KAT7: variants seen among roughly 807,000 people sequenced by gnomAD.
KAT7 encodes lysine acetyltransferase 7, also known as histone acetyltransferase KAT7.
KAT7 carries 10 observed loss-of-function variants against 82.1 expected under a neutral mutation model. That is an observed-to-expected ratio of 0.12 (90% CI 0.08 to 0.21). KAT7 has a LOEUF of 0.21. Among genes scored for constraint, KAT7 ranks in the 10% least tolerant of loss-of-function variants. The probability of loss-of-function intolerance (pLI) is 1.00; values close to 1 mark genes in which losing one functional copy is unlikely to be tolerated. For missense variants in KAT7, 378 were observed against 760.9 expected (o/e 0.50, Z 5.92); for synonymous variants, 250 against 262.5 (o/e 0.95, Z 0.46).
At chr17:49,799,754 C>T (rs1290100220) in intron 4 of KAT7, among the ~76,000 whole-genome samples, 1 of 151,998 alleles carries the variant, frequency 6.6e-6, no homozygotes, top group Non-Finnish European at 1.5e-5. Flanking sequence ...GCCTTAACTC[C>T]TAGGCTTAAG....
chr17:49,806,877 C>A (rs999793111), intron 5 of KAT7, among the ~76,000 whole-genome samples: 1 of 152,226 alleles, frequency 6.6e-6, no homozygotes, highest in African/African-American at 2.4e-5. Flanking sequence ...TCCATCTTTA[C>A]TACTGGAACA....
chr17:49,795,374 C>T lies in KAT7; in HGVS notation c.164-1376C>T, dbSNP rs146409967. ...TTGTTGGAGAGTGAGCAGTTCCTGA[C>T]GGAGCTGACCAGACTTTTCCAGAAG... On this transcript the variant is annotated intron_variant, in intron 2 of 14. Transcript: ENST00000259021. 1,589 of 219,664 alleles carry T rather than the reference C, an allele frequency of 7.2e-3. 13 individuals are homozygous for T. The highest frequency in any genetic ancestry group is 0.018 in the Middle Eastern group (17 of 944). 13.6% of individuals were successfully genotyped at this position (219,664 alleles called of 1,614,324 possible). A position where few individuals can be genotyped will look rare whatever the true frequency, so the allele number is the denominator to read the frequency against.
intron 9 of KAT7, among the ~76,000 whole-genome samples, chr17:49,820,292 TC>T (rs2074286093): frequency 6.6e-6 from 1 of 151,348 alleles, no homozygotes; most frequent in Non-Finnish European, 1.5e-5. Flanking sequence ...AACACTTTTT[TC>T]TTTTTTTTTT....
chr17:49,797,924 A>G (rs1422171952), intron 3 of KAT7, among the ~76,000 whole-genome samples: 2 of 152,226 alleles, frequency 1.3e-5, no homozygotes, highest in African/African-American at 4.8e-5. Context: ...AAGTCCATTC[A>G]CATCTTACAC....
chr17:49,794,607 G>A (rs2073931525), intron 2 of KAT7, among the ~76,000 whole-genome samples: 1 of 152,232 alleles, frequency 6.6e-6, no homozygotes, highest in African/African-American at 2.4e-5. Flanking sequence ...TGTCTTAAAG[G>A]CTCTGATAGG....
At chr17:49,801,189 A>G (rs935025127) in intron 4 of KAT7, among the ~76,000 whole-genome samples, 4 of 152,122 alleles carry the variant, frequency 2.6e-5, no homozygotes, top group Admixed American at 2.6e-4. Flanking sequence ...GTATTTGTTT[A>G]TTTATTTATT....
chr17:49,834,595 A>G lies in KAT7; in HGVS notation c.*7093A>G, dbSNP rs1362310610. 6.6e-6 allele frequency: 1 copy of G among 152,222 alleles called. No homozygotes were observed. The highest frequency in any genetic ancestry group is 2.1e-4 in the South Asian group (1 of 4,832). The allele number at this position is 152,222 out of a possible 1,614,324, so 9.4% of individuals were successfully genotyped here. ...TACATAGCTTTCATCATTCCCTTAC[A>G]CATAACCTCAACGTGCAACAGGATT... On this transcript the variant is annotated 3_prime_UTR_variant, in exon 15 of 15. Transcript: ENST00000259021.
chr17:49,804,356 G>A (rs1449098205), intron 4 of KAT7, among the ~76,000 whole-genome samples: 1 of 150,956 alleles, frequency 6.6e-6, no homozygotes, highest in East Asian at 1.9e-4. Flanking sequence ...TCCAGTCTGG[G>A]CAACAGAGCG....
At position 49,831,622 on chromosome 17, in the gene KAT7, C is replaced by T. The variant is rs2074425514; in HGVS notation, c.*4120C>T. 1 of 152,136 alleles carries T rather than the reference C, an allele frequency of 6.6e-6. No homozygotes were observed. The highest frequency in any genetic ancestry group is 6.5e-5 in the Admixed American group (1 of 15,270). 9.4% of individuals were successfully genotyped at this position (152,136 alleles called of 1,614,324 possible). ...GGTCTGGTCACCTGATGCTTCCATG[C>T]TATTTTCCCATTTCTTATCTGGGGA... On this transcript the variant is annotated 3_prime_UTR_variant, in exon 15 of 15. Coordinates refer to ENST00000259021, the MANE Select transcript of KAT7 (RefSeq NM_007067.5).
chr17:49,822,401 G>A (rs1009946515), intron 11 of KAT7, among the ~76,000 whole-genome samples: 2 of 151,904 alleles, frequency 1.3e-5, no homozygotes, highest in South Asian at 2.1e-4. Flanking sequence ...CTAATTTTTT[G>A]TGTGATTTTA....
chr17:49,802,669 CA>C (rs753218485), intron 4 of KAT7, among the ~76,000 whole-genome samples: 1,638 of 116,096 alleles, frequency 0.014, 11 homozygotes, highest in African/African-American at 0.033. Flanking sequence ...AACTCCATCT[CA>C]AAAAAAAAAA....
chr17:49,794,486 GTGTTGTCC>G (rs2073929845), intron 2 of KAT7, among the ~76,000 whole-genome samples: 1 of 152,036 alleles, frequency 6.6e-6, no homozygotes, highest in Admixed American at 6.5e-5. Flanking sequence ...GGGTTTCACC[GTGTTGTCC>G]AGGCTTGTCT....
In KAT7 at chr17:49,817,807, T is replaced by G. The variant is rs759602416; in HGVS notation, c.964-13T>G. On this transcript the variant is annotated splice_polypyrimidine_tract_variant and intron_variant, in intron 8 of 14. Coordinates refer to ENST00000259021, the MANE Select transcript of KAT7 (RefSeq NM_007067.5). ...TTCTGATCCTCCTTTGACTTTTGAT[T>G]TCTTGGCAATAGGAGAAGTTAAGGC... 1 of 1,608,132 alleles carries G rather than the reference T, an allele frequency of 6.2e-7. No homozygotes were observed.
Position 49,833,095 on chromosome 17 carries a change from G to A in KAT7, c.*5593G>A, listed in dbSNP as rs1041660411. Reference sequence around the variant, plus strand: ...GTCCCTGGTGCCAAAACATCAGTTTGCCCCTAACCTCTTGTGCAATACCTT... The same window carrying A: ...GTCCCTGGTGCCAAAACATCAGTTTACCCCTAACCTCTTGTGCAATACCTT... On this transcript the variant is annotated 3_prime_UTR_variant, in exon 15 of 15. Transcript: ENST00000259021. The A allele has an allele frequency of 2.6e-5, 4 of 152,172 alleles. No homozygotes were observed. Among genetic ancestry groups the A allele is most frequent in the African/African-American group, 9.7e-5 (4 of 41,436 alleles). 9.4% of individuals were successfully genotyped at this position (152,172 alleles called of 1,614,324 possible).
intron 6 of KAT7, among the ~76,000 whole-genome samples, chr17:49,810,413 C>T (rs532841007): frequency 6.6e-5 from 10 of 152,220 alleles, no homozygotes; most frequent in South Asian, 2.1e-4. Flanking sequence ...CACGCCACCA[C>T]GCCCAGCTAA....
intron 8 of KAT7, among the ~76,000 whole-genome samples, chr17:49,816,335 G>A (rs554841598): frequency 1.3e-5 from 2 of 152,282 alleles, no homozygotes; most frequent in Admixed American, 1.3e-4. Flanking sequence ...ACAGTGAAGA[G>A]GAATAATGGA....
intron 4 of KAT7, among the ~76,000 whole-genome samples, chr17:49,801,647 G>A (rs2143881644): frequency 6.6e-6 from 1 of 152,058 alleles, no homozygotes; most frequent in South Asian, 2.1e-4. Flanking sequence ...ATGCCACCAT[G>A]CTCAGCTAAT....
At chr17:49,810,337 A>G (rs1025843207) in intron 6 of KAT7, among the ~76,000 whole-genome samples, 9 of 152,002 alleles carry the variant, frequency 5.9e-5, no homozygotes, top group African/African-American at 2.2e-4. Flanking sequence ...GCTCACTGCA[A>G]CCTCCATCTC....
At chr17:49,827,112 A>G (rs1598093105) in intron 14 of KAT7, 3 of 460,108 alleles carry the variant, frequency 6.5e-6, no homozygotes, top group Non-Finnish European at 1.2e-5. Flanking sequence ...CTGTAGAGGA[A>G]TCTTCACAAA....
Sources: gnomAD v4.1 joint callset for allele counts (sites outside exome capture counted in the v4.1 genomes callset) on GRCh38, gnomAD v4.1.1 for gene constraint, MANE v1.5 for transcripts, NCBI Gene and HGNC (gene_info 2026-07-23, HGNC 2026-07-21) for gene names.